The following SLC22A16 variants were observed in gnomAD, a reference collection of about 807,000 sequenced individuals.
The protein encoded by SLC22A16 is WUGSC:RG331P03.1.
Under a neutral mutation model 52.9 loss-of-function variants are expected in SLC22A16, and 53 were observed. The ratio of observed to expected loss-of-function variants is 1.00; its 90% CI spans 0.80 to 1.26. The LOEUF is 1.26. SLC22A16 is among the 50% of genes most tolerant of loss of function. The pLI, the probability that SLC22A16 is intolerant of heterozygous loss-of-function variation, is 0.00. For missense variants in SLC22A16, 726 were observed against 704.0 expected, an observed-to-expected ratio of 1.03 and a Z score of -0.35; for synonymous variants, 291 against 268.8, an observed-to-expected ratio of 1.08 and a Z score of -0.81.
intron 7 of SLC22A16, among the ~76,000 whole-genome samples, chr6:110,427,260 A>AAAG (rs1774298554): frequency 2.2e-5 from 3 of 137,948 alleles, no homozygotes; most frequent in Non-Finnish European, 4.6e-5. Flanking sequence ...AAAAAAAAAA[A>AAAG]AAAAGAAAAA....
intron 5 of SLC22A16, among the ~76,000 whole-genome samples, chr6:110,436,970 G>A (rs1223424099): frequency 6.6e-6 from 1 of 152,092 alleles, no homozygotes; most frequent in Non-Finnish European, 1.5e-5. Flanking sequence ...CAGTGCCTCT[G>A]TCAGCCTACA....
intron 1 of SLC22A16, chr6:110,475,959 T>G (rs1411491180): frequency 2.2e-6 from 1 of 456,424 alleles, no homozygotes; most frequent in African/African-American, 2.0e-5. Flanking sequence ...AGGGTCCCGG[T>G]GAACATCAAA....
At chr6:110,427,726 C>T (rs965756647) in intron 7 of SLC22A16, among the ~76,000 whole-genome samples, 5 of 152,238 alleles carry the variant, frequency 3.3e-5, no homozygotes, top group African/African-American at 1.2e-4. Context: ...TCCCAAACCC[C>T]TGGCCCCCCA....
intron 2 of SLC22A16, among the ~76,000 whole-genome samples, chr6:110,452,345 AT>A (rs1775417840): frequency 6.6e-6 from 1 of 152,196 alleles, no homozygotes; most frequent in Non-Finnish European, 1.5e-5. Flanking sequence ...TTCATACAAA[AT>A]TGTAATAACT....
intron 2 of SLC22A16, 74 bp from the exon 3 acceptor site, chr6:110,447,064 A>G: frequency 8.4e-7 from 1 of 1,189,892 alleles, no homozygotes; most frequent in Admixed American, 2.1e-5. Flanking sequence ...TCCAATTCAT[A>G]AAAGATAGGC....
intron 1 of SLC22A16, among the ~76,000 whole-genome samples, chr6:110,460,872 G>A (rs1261122638): frequency 6.6e-6 from 1 of 152,178 alleles, no homozygotes; most frequent in South Asian, 2.1e-4. Flanking sequence ...CTTCTAGGGG[G>A]AGCACAGCCC....
At chr6:110,470,553 T>C (rs1776224726) in intron 1 of SLC22A16, among the ~76,000 whole-genome samples, 1 of 152,118 alleles carries the variant, frequency 6.6e-6, no homozygotes. Flanking sequence ...ACCAGCTTCT[T>C]CAGTTAGTTT....
In SLC22A16 at chr6:110,438,721, T is replaced by C; in HGVS notation, c.1310A>G (p.Gln437Arg). 1 of 1,611,762 alleles carries C rather than the reference T, an allele frequency of 6.2e-7. No homozygotes were observed. Among genetic ancestry groups the C allele is most frequent in the Non-Finnish European group, 8.5e-7 (1 of 1,179,170 alleles). Residue 437 changes from glutamine to arginine, a missense_variant and splice_region_variant, in exon 5 of 8, where the codon CAG (glutamine) becomes CGG (arginine). Physicochemically the swap from Gln to Arg is conservative, Grantham distance 43. Coordinates refer to ENST00000368919, the MANE Select transcript of SLC22A16 (RefSeq NM_033125.4). ...LACGVVMVIP[Q>R]KHYILGVVTA... ...TATAAAAAACAGAAGATAACTCACC[T>C]GGGGGATCACCATAACGACACCACA...
chr6:110,446,763 A>C, intron 3 of SLC22A16, 110 bp downstream of exon 3: 1 of 915,712 alleles, frequency 1.1e-6, no homozygotes. Flanking sequence ...GAGTGGACAA[A>C]GATGAGTCCT....
chr6:110,441,847 C>T (rs141258290), intron 4 of SLC22A16, among the ~76,000 whole-genome samples: 1 of 152,124 alleles, frequency 6.6e-6, no homozygotes, highest in South Asian at 2.1e-4. Flanking sequence ...AAAGTCTGTA[C>T]GCGGCACCCA....
chr6:110,472,087 T>C (rs893501748), intron 1 of SLC22A16, among the ~76,000 whole-genome samples: 4 of 152,120 alleles, frequency 2.6e-5, no homozygotes, highest in Admixed American at 6.5e-5. Flanking sequence ...GGTAAACCAA[T>C]CTCAAACTGA....
chr6:110,444,341 A>G (rs1261948391), intron 3 of SLC22A16, among the ~76,000 whole-genome samples: 1 of 152,190 alleles, frequency 6.6e-6, no homozygotes, highest in Non-Finnish European at 1.5e-5. Flanking sequence ...CTACAACACA[A>G]ATCATACAAT....
intron 6 of SLC22A16, among the ~76,000 whole-genome samples, chr6:110,434,027 G>T (rs1326620451): frequency 6.6e-6 from 1 of 152,162 alleles, no homozygotes; most frequent in African/African-American, 2.4e-5. Context: ...GATCACTTGA[G>T]GTCAGGAGTT....
At position 110,466,347 on chromosome 6, in the gene SLC22A16, A is replaced by C. The variant is rs138258086; in HGVS notation, c.54-9330T>G. Among the ~76,000 whole-genome samples the C allele has an allele frequency of 2.7e-4, 41 of 152,312 alleles. 1 individual carries two copies. The East Asian group carries it at 6.6e-3, about 24-fold the overall frequency. On this transcript the variant is annotated intron_variant, in intron 1 of 7. Transcript: ENST00000368919. ...AAAAGAAACAATCGATAGAGTACAT[A>C]ACCTACAGAATGGGAAAAATATTTG... is the stretch of plus-strand genomic sequence containing the variant.
At chr6:110,474,379 T>C (rs1009920188) in intron 1 of SLC22A16, among the ~76,000 whole-genome samples, 1 of 152,214 alleles carries the variant, frequency 6.6e-6, no homozygotes, top group Non-Finnish European at 1.5e-5. Context: ...TCACAATAAC[T>C]TTCCTTTCTG....
At position 110,459,440 on chromosome 6, in the gene SLC22A16, A is replaced by G. The variant is rs577462229; in HGVS notation, c.54-2423T>C. 3.3e-5 allele frequency among the ~76,000 whole-genome samples: 5 copies of G among 152,290 alleles called. No individual in the cohort carries two copies. In the South Asian group the frequency reaches 8.3e-4, roughly 25 times the overall value. ...CAAAAACCATAACCTTAGTTTAATA[A>G]TTTAAAAAAAGACCCCAGATTGGGG... On this transcript the variant is annotated intron_variant, in intron 1 of 7. Transcript: ENST00000368919.
intron 2 of SLC22A16, among the ~76,000 whole-genome samples, chr6:110,449,739 T>C (rs920323260): frequency 2.4e-4 from 36 of 152,186 alleles, no homozygotes; most frequent in African/African-American, 7.7e-4. Context: ...CTCCCAAATA[T>C]GTCTTCATCT....
At chr6:110,426,299 A>G (rs1774253846) in intron 7 of SLC22A16, among the ~76,000 whole-genome samples, 1 of 152,194 alleles carries the variant, frequency 6.6e-6, no homozygotes, top group Non-Finnish European at 1.5e-5. Flanking sequence ...GAGGAAGTCT[A>G]AAAGCAAAAT....
rs149667298 is a variant in SLC22A16, at chr6:110,435,340, G to A, written c.1421+512C>T. Among the ~76,000 whole-genome samples, 838 of 152,296 alleles carry A rather than the reference G, an allele frequency of 5.5e-3. 2 individuals carry two copies. The highest frequency in any genetic ancestry group is 0.02 in the Middle Eastern group (6 of 294). On this transcript the variant is annotated intron_variant, in intron 6 of 7. Transcript: ENST00000368919. ...AGGGACATCAGCGGTGCACACAGAG[G>A]TAAGACCCCTTGAGGACATAGCAAG... is the stretch of plus-strand genomic sequence containing the variant.
Sources: gnomAD v4.1 joint callset for allele counts (sites outside exome capture counted in the v4.1 genomes callset) on GRCh38, gnomAD v4.1.1 for gene constraint, MANE v1.5 for transcripts, NCBI Gene and HGNC (gene_info 2026-07-23, HGNC 2026-07-21) for gene names.